The following ARHGAP24 variants were observed in gnomAD, a reference collection of about 807,000 sequenced individuals.
The protein encoded by ARHGAP24 is Rho GTPase activating protein 24.
Under a neutral mutation model 76.4 loss-of-function variants are expected in ARHGAP24, and 50 were observed. The observed-to-expected ratio is 0.65, with a 90% confidence interval of 0.52 to 0.83. The LOEUF (loss-of-function observed/expected upper bound fraction) is 0.83. Ranked by LOEUF, ARHGAP24 falls within the 40% of genes least tolerant of loss-of-function variation. The pLI, the probability that ARHGAP24 is intolerant of heterozygous loss-of-function variation, is 0.00. For synonymous variants in ARHGAP24, 345 were observed against 323.3 expected (o/e 1.07, Z -0.72); for missense variants, 930 against 914.2 (o/e 1.02, Z -0.22).
chr4:85,943,331 T>C (rs1298220597), intron 5 of ARHGAP24, among the ~76,000 whole-genome samples: 1 of 152,164 alleles, frequency 6.6e-6, no homozygotes, highest in African/African-American at 2.4e-5. Flanking sequence ...AATTCTGGAT[T>C]CTGGAAAATA....
chr4:85,798,158 A>G (rs1333265491), intron 3 of ARHGAP24, among the ~76,000 whole-genome samples: 4 of 152,170 alleles, frequency 2.6e-5, no homozygotes, highest in African/African-American at 9.7e-5. Flanking sequence ...TTTTTTAATG[A>G]TGAGGGGCCC....
intron 3 of ARHGAP24, chr4:85,778,999 C>T (rs1727419356): frequency 1.0e-6 from 1 of 985,344 alleles, no homozygotes; most frequent in Non-Finnish European, 1.2e-6. Flanking sequence ...CTTCAGGGTT[C>T]ATTTGTTTTG....
intron 3 of ARHGAP24, among the ~76,000 whole-genome samples, chr4:85,917,479 A>G (rs1385422989): frequency 6.6e-6 from 1 of 151,896 alleles, no homozygotes; most frequent in Non-Finnish European, 1.5e-5. Flanking sequence ...ATCCCTGAGG[A>G]ATCGCCACAC....
chr4:85,595,753 T>A (rs766252140), intron 2 of ARHGAP24, among the ~76,000 whole-genome samples: 3 of 152,100 alleles, frequency 2.0e-5, no homozygotes, highest in Non-Finnish European at 4.4e-5. Flanking sequence ...AAGATAGGTG[T>A]AGCATGTGAA....
At chr4:85,495,019 C>A (rs535436173) in intron 1 of ARHGAP24, among the ~76,000 whole-genome samples, 2 of 147,036 alleles carry the variant, frequency 1.4e-5, no homozygotes, top group East Asian at 4.2e-4. Context: ...GGCATGAACC[C>A]GGGAGGCGGA....
chr4:85,586,670 C>G (rs1040961663), intron 2 of ARHGAP24, among the ~76,000 whole-genome samples: 1 of 151,974 alleles, frequency 6.6e-6, no homozygotes, highest in African/African-American at 2.4e-5. Context: ...AAGGCTGAGG[C>G]GGGTGAATCA....
intron 2 of ARHGAP24, among the ~76,000 whole-genome samples, chr4:85,716,301 T>C (rs1179473681): frequency 1.3e-5 from 2 of 152,126 alleles, no homozygotes; most frequent in Non-Finnish European, 2.9e-5. Flanking sequence ...AGCAAACTAC[T>C]AGTGTGGTTA....
chr4:85,748,202 C>G (rs1289764079), intron 3 of ARHGAP24, among the ~76,000 whole-genome samples: 1 of 152,218 alleles, frequency 6.6e-6, no homozygotes, highest in Middle Eastern at 3.2e-3. Context: ...CCATCCCCTA[C>G]CTCTATGCAT....
At chr4:85,885,085 C>T (rs1011832723) in intron 3 of ARHGAP24, among the ~76,000 whole-genome samples, 10 of 152,078 alleles carry the variant, frequency 6.6e-5, no homozygotes, top group Admixed American at 5.2e-4. Flanking sequence ...GGCATACATC[C>T]TTTCTTCAGT....
chr4:85,570,481 G>A, intron 1 of ARHGAP24, 41 bp from the exon 2 acceptor site: 1 of 1,502,212 alleles, frequency 6.7e-7, no homozygotes, highest in Non-Finnish European at 9.2e-7. Flanking sequence ...GAATATAACA[G>A]AGCACCTCAT....
At chr4:85,890,435 G>A (rs1204533091) in intron 3 of ARHGAP24, among the ~76,000 whole-genome samples, 1 of 152,130 alleles carries the variant, frequency 6.6e-6, no homozygotes, top group African/African-American at 2.4e-5. Flanking sequence ...AGATAGTTAA[G>A]CAAAGAATCA....
intron 2 of ARHGAP24, among the ~76,000 whole-genome samples, chr4:85,603,576 G>C (rs1720103298): frequency 6.6e-6 from 1 of 152,112 alleles, no homozygotes; most frequent in African/African-American, 2.4e-5. Flanking sequence ...ATGCTCCTAG[G>C]CTTCTCACTC....
At chr4:85,683,107 T>TGGGGGGGGGGGGGGGGGG (rs1310671945) in intron 2 of ARHGAP24, among the ~76,000 whole-genome samples, 5 of 12,844 alleles carry the variant, frequency 3.9e-4, no homozygotes, top group Admixed American at 9.4e-4. Flanking sequence ...TCTCTCAGTG[T>TGGGGGGGGGGGGGGGGGG]GTGGGGGGGT....
intron 3 of ARHGAP24, among the ~76,000 whole-genome samples, chr4:85,755,433 CAT>C (rs1166684526): frequency 1.3e-5 from 2 of 152,046 alleles, no homozygotes; most frequent in African/African-American, 2.4e-5. Flanking sequence ...ATCTCCAGCA[CAT>C]GAGTGTCGCA....
At chr4:85,928,213 T>TTTCCTTCCTTCC (rs3840501) in intron 4 of ARHGAP24, among the ~76,000 whole-genome samples, 2 of 150,282 alleles carry the variant, frequency 1.3e-5, no homozygotes, top group African/African-American at 4.9e-5. Flanking sequence ...AAGGTTTCGT[T>TTTCCTTCCTTCC]TTCCTTCCTT....
chr4:85,975,819 A>G (rs976015247), intron 7 of ARHGAP24: 2 of 152,216 alleles, frequency 1.3e-5, no homozygotes, highest in African/African-American at 4.8e-5. Context: ...TAAGCGTTCA[A>G]GGGACTAGGA....
intron 1 of ARHGAP24, among the ~76,000 whole-genome samples, chr4:85,531,924 C>G (rs537275072): frequency 6.6e-6 from 1 of 152,162 alleles, no homozygotes; most frequent in African/African-American, 2.4e-5. Flanking sequence ...CTATTTATTA[C>G]CAACTAACAC....
chr4:85,821,932 GTT>G (rs1169913327), intron 3 of ARHGAP24, among the ~76,000 whole-genome samples: 4 of 152,218 alleles, frequency 2.6e-5, no homozygotes, highest in African/African-American at 9.6e-5. Context: ...AGTATTTACT[GTT>G]TTTCTTAAGA....
intron 2 of ARHGAP24, among the ~76,000 whole-genome samples, chr4:85,649,819 A>G (rs1399530997): frequency 2.6e-5 from 4 of 152,196 alleles, no homozygotes; most frequent in Non-Finnish European, 4.4e-5. Context: ...TATATTCAGT[A>G]GCTGCAACAT....
Sources: gnomAD v4.1 joint callset for allele counts (sites outside exome capture counted in the v4.1 genomes callset) on GRCh38, gnomAD v4.1.1 for gene constraint, MANE v1.5 for transcripts, NCBI Gene and HGNC (gene_info 2026-07-23, HGNC 2026-07-21) for gene names.